The following GPM6B variants were observed in gnomAD, a reference collection of about 807,000 sequenced individuals.
GPM6B encodes the protein neuronal membrane glycoprotein M6-b.
GPM6B carries 4 observed loss-of-function variants against 27.2 expected under a neutral mutation model. The ratio of observed to expected loss-of-function variants is 0.15; its 90% confidence interval spans 0.07 to 0.34. The LOEUF (loss-of-function observed/expected upper bound fraction) is 0.34. GPM6B is among the 10% of genes least tolerant of loss of function. The pLI, the probability that GPM6B is intolerant of heterozygous loss-of-function variation, is 1.00. For missense variants in GPM6B, 183 were observed against 261.9 expected (o/e 0.70, Z 2.08); for synonymous variants, 124 against 103.1 (o/e 1.20, Z -1.23).
In GPM6B at chrX:13,827,060, C is replaced by T. The variant is rs971268554; in HGVS notation, c.-197-41252G>A. ...TCCTTCTCGGTTCAGCAGAAACCAC[C>T]GGGGCTGGGTTATTCTCTCACTCAA... On this transcript the variant is annotated intron_variant, in intron 1 of 6. Transcript: ENST00000398361. Among the ~76,000 whole-genome samples, 29 of 110,118 alleles carry T rather than the reference C, an allele frequency of 2.6e-4. 1 individual carries two copies. Among genetic ancestry groups the T allele is most frequent in the African/African-American group, 8.9e-4 (27 of 30,203 alleles).
chrX:13,816,852 T>G lies in GPM6B; in HGVS notation c.53A>C (p.Glu18Ala). Reference protein sequence around the residue: ...AAEENTEQSQERKVNSRAEME... With the variant: ...AAEENTEQSQARKVNSRAEME... ...GTCAGAGCGCTGGGTACCTTTTCTC[T>G]CTTGGCTTTGTTCAGTATTTTCCTC... The change falls in exon 1 of 8, where the codon GAG becomes GCG. Residue 18 changes from glutamate to alanine, a missense_variant. Transcript: ENST00000316715. 2 of 1,210,765 alleles carry G rather than the reference T, an allele frequency of 1.7e-6. No homozygotes were observed. Among genetic ancestry groups the G allele is most frequent in the Non-Finnish European group, 2.2e-6 (2 of 895,062 alleles).
intron 1 of GPM6B, among the ~76,000 whole-genome samples, chrX:13,859,982 A>C (rs768178615): frequency 9.0e-6 from 1 of 111,582 alleles, no homozygotes; most frequent in South Asian, 3.7e-4. Context: ...TTTCTTCCCC[A>C]TCCTCCATTC....
chrX:13,817,301 A>C (rs2049256322), upstream of GPM6B: 6 of 732,464 alleles, frequency 8.2e-6, no homozygotes, highest in Admixed American at 1.7e-4. Context: ...CTCAATCTCG[A>C]TCTCTCTCTC....
chrX:13,883,982 C>A (rs2050109994), intron 1 of GPM6B, among the ~76,000 whole-genome samples: 1 of 111,893 alleles, frequency 8.9e-6, no homozygotes, highest in South Asian at 3.7e-4. Flanking sequence ...TCAAGACCAG[C>A]ATGGCCAACA....
chrX:13,847,769 G>C (rs1463214955), intron 1 of GPM6B, among the ~76,000 whole-genome samples: 1 of 112,173 alleles, frequency 8.9e-6, no homozygotes, highest in African/African-American at 3.2e-5. Context: ...TTTTTAAAAT[G>C]CTCTCACTTT....
chrX:13,851,288 T>G (rs2049715586), intron 1 of GPM6B, among the ~76,000 whole-genome samples: 1 of 111,408 alleles, frequency 9.0e-6, no homozygotes, highest in South Asian at 3.8e-4. Flanking sequence ...GGTTCTAATT[T>G]CACCTCTGCC....
chrX:13,915,160 T>C (rs901210751), intron 1 of GPM6B, among the ~76,000 whole-genome samples: 2 of 108,741 alleles, frequency 1.8e-5, no homozygotes, highest in African/African-American at 6.7e-5. Flanking sequence ...TCCAGCTACT[T>C]GGGAGGCTGA....
At chrX:13,925,821 G>A (rs10482325) in intron 1 of GPM6B, among the ~76,000 whole-genome samples, 21,713 of 109,623 alleles carry the variant, frequency 0.2, 1,708 homozygotes, top group African/African-American at 0.26. Context: ...TTGGGAGACC[G>A]AGGCAGGTGG....
intron 1 of GPM6B, among the ~76,000 whole-genome samples, chrX:13,896,593 T>C (rs10218260): frequency 9.1e-6 from 1 of 109,671 alleles, no homozygotes; most frequent in Non-Finnish European, 1.9e-5. Flanking sequence ...TGAGACAGAG[T>C]CTTGCTCTGT....
intron 1 of GPM6B, among the ~76,000 whole-genome samples, chrX:13,833,498 T>TGAGCCCAGGAGTTC (rs1327199106): frequency 9.8e-5 from 10 of 102,555 alleles, no homozygotes; most frequent in Non-Finnish European, 1.9e-4. Flanking sequence ...GAGGATCTCT[T>TGAGCCCAGGAGTTC]GAGCCCAGGA....
intron 1 of GPM6B, among the ~76,000 whole-genome samples, chrX:13,918,742 G>A (rs2050450889): frequency 9.0e-6 from 1 of 111,381 alleles, no homozygotes; most frequent in South Asian, 3.8e-4. Flanking sequence ...CAAAGGGGAA[G>A]CAGGCACCTA....
intron 1 of GPM6B, among the ~76,000 whole-genome samples, chrX:13,844,203 C>T (rs777246044): frequency 8.9e-6 from 1 of 112,254 alleles, no homozygotes; most frequent in South Asian, 3.7e-4. Context: ...AATCAATTGA[C>T]TATAAACATA....
At chrX:13,784,070 G>T (rs2048566896) in intron 3 of GPM6B, 1 of 205,971 alleles carries the variant, frequency 4.9e-6, no homozygotes, top group Non-Finnish European at 9.1e-6. Flanking sequence ...ATAGTAGTAG[G>T]TCGAGTAGGT....
intron 2 of GPM6B, among the ~76,000 whole-genome samples, chrX:13,794,143 TTGC>T (rs2048764247): frequency 9.0e-6 from 1 of 110,515 alleles, no homozygotes; most frequent in Non-Finnish European, 1.9e-5. Flanking sequence ...AAGGAAAGTT[TTGC>T]AGACCTCTGT....
Position 13,807,687 on chromosome X carries a change from T to G in GPM6B, c.144A>C (p.Pro48=), listed in dbSNP as rs774307713. 4 of 1,201,951 alleles carry G rather than the reference T, an allele frequency of 3.3e-6. No homozygotes were observed. In the Admixed American group the frequency reaches 6.6e-5, roughly 20 times the overall value. Residue 48 remains proline, a synonymous_variant, in exon 2 of 8, where the codon CCA becomes CCC. Transcript: ENST00000316715. ...GSKNHQYHPV[P]TLGDRASPLS... Reference sequence around the variant, plus strand: ...AGGGGCTAGCCCTGTCCCCCAGGGTTGGCACGGGATGGTACTGGTGGTTCT... The same window carrying G: ...AGGGGCTAGCCCTGTCCCCCAGGGTGGGCACGGGATGGTACTGGTGGTTCT...
intron 1 of GPM6B, among the ~76,000 whole-genome samples, chrX:13,884,718 G>A (rs1000014315): frequency 2.7e-5 from 3 of 112,002 alleles, no homozygotes; most frequent in African/African-American, 9.7e-5. Context: ...TCCCCTGAGA[G>A]CTACAAAATA....
intron 1 of GPM6B, among the ~76,000 whole-genome samples, chrX:13,925,726 T>G (rs1463897877): frequency 9.0e-6 from 1 of 111,221 alleles, no homozygotes; most frequent in African/African-American, 3.3e-5. Context: ...TATACACAAA[T>G]GAAAGACTTA....
chrX:13,861,396 T>C (rs967440658), intron 1 of GPM6B, among the ~76,000 whole-genome samples: 5 of 111,663 alleles, frequency 4.5e-5, no homozygotes, highest in African/African-American at 9.8e-5. Context: ...ACTATTTCTA[T>C]AGTGGTTGTA....
chrX:13,830,920 TA>T (rs2049431139), intron 1 of GPM6B, among the ~76,000 whole-genome samples: 1 of 110,772 alleles, frequency 9.0e-6, no homozygotes, highest in African/African-American at 3.3e-5. Context: ...CCTGATCCAG[TA>T]AATTGTCACT....
Sources: gnomAD v4.1 joint callset for allele counts (sites outside exome capture counted in the v4.1 genomes callset) on GRCh38, gnomAD v4.1.1 for gene constraint, MANE v1.5 for transcripts, NCBI Gene and HGNC (gene_info 2026-07-23, HGNC 2026-07-21) for gene names.